The following PTBP3 variants were observed in gnomAD, a reference collection of about 807,000 sequenced individuals.
PTBP3 encodes the protein polypyrimidine tract-binding protein 3.
A neutral mutation model predicts 58.7 loss-of-function variants in PTBP3; 20 were observed. The observed-to-expected ratio is 0.34, with a 90% CI of 0.24 to 0.50. The LOEUF (loss-of-function observed/expected upper bound fraction) is 0.50. Among genes scored for constraint, PTBP3 ranks in the 20% least tolerant of loss-of-function variants. PTBP3 has a pLI of 0.98. For synonymous variants in PTBP3, 185 were observed against 219.8 expected, an observed-to-expected ratio of 0.84 and a Z score of 1.40; for missense variants, 509 against 637.2, an observed-to-expected ratio of 0.80 and a Z score of 2.17.
At chr9:112,302,443 GA>G (rs1251267527) in intron 1 of PTBP3, among the ~76,000 whole-genome samples, 2 of 151,970 alleles carry the variant, frequency 1.3e-5, no homozygotes, top group African/African-American at 4.8e-5. Context: ...AAAAAAACTG[GA>G]AAGAAGAAAT....
rs150376954 is a variant in PTBP3, at chr9:112,303,233, C to A, written c.-51-5317G>T. 2.0e-5 allele frequency among the ~76,000 whole-genome samples: 3 copies of A among 152,284 alleles called. No individual in the cohort carries two copies. In the East Asian group the frequency reaches 5.8e-4, roughly 29 times the overall value. On this transcript the variant is annotated intron_variant, in intron 1 of 13. Coordinates refer to ENST00000374257, the MANE Select transcript of PTBP3 (RefSeq NM_001163788.4). The stretch of plus-strand genomic sequence containing the variant: ...ACTATCCCTTTGCTACATACCCAAT[C>A]CTATCTACTAGTCACAGATAAAATG...
At chr9:112,292,065 C>T (rs1160832581) in intron 2 of PTBP3, among the ~76,000 whole-genome samples, 5 of 152,004 alleles carry the variant, frequency 3.3e-5, no homozygotes, top group Non-Finnish European at 5.9e-5. Flanking sequence ...GGGGACAGTG[C>T]TTATTAGAGA....
chr9:112,330,233 T>A (rs1022689487), intron 1 of PTBP3, among the ~76,000 whole-genome samples: 1 of 152,312 alleles, frequency 6.6e-6, no homozygotes, highest in East Asian at 1.9e-4. Context: ...TTGGGCTAAA[T>A]TTTTTGTTCA....
chr9:112,354,849 G>A, the PTBP3 span, among the ~76,000 whole-genome samples: 20 of 152,148 alleles, frequency 1.3e-4, no homozygotes, highest in Non-Finnish European at 2.5e-4. Flanking sequence ...ACATTGTTCT[G>A]CAAAATAAAA....
At chr9:112,276,474 T>C (rs1319756358) in intron 2 of PTBP3, among the ~76,000 whole-genome samples, 1 of 152,096 alleles carries the variant, frequency 6.6e-6, no homozygotes, top group East Asian at 2.0e-4. Flanking sequence ...TGGATTTGAA[T>C]TGTATATTTA....
chr9:112,242,000 C>G (rs897880401), intron 7 of PTBP3, among the ~76,000 whole-genome samples: 4 of 152,168 alleles, frequency 2.6e-5, no homozygotes, highest in African/African-American at 7.2e-5. Flanking sequence ...TACTTGATTG[C>G]ATAGAAGGAC....
rs1827594544 is a variant in PTBP3 at position 112,276,002 on chromosome 9, C to T, written c.46G>A (p.Asp16Asn). 4.3e-6 allele frequency: 7 copies of T among 1,611,742 alleles called. No individual in the cohort carries two copies. The highest frequency in any genetic ancestry group is 5.9e-6 in the Non-Finnish European group (7 of 1,178,708). The change falls in exon 3 of 14, where the codon GAC (aspartate) becomes AAC (asparagine). Residue 16 changes from aspartate (D) to asparagine (N), a missense_variant. Asp to Asn is a conservative substitution (Grantham distance 23, BLOSUM62 1). Coordinates refer to ENST00000374257, the MANE Select transcript of PTBP3 (RefSeq NM_001163788.4). ...CTATCTCGTTTAAATTTCTTGCTGT[C>T]ATTCCCATTAGCTAAAAAACATAAG... is the stretch of plus-strand genomic sequence containing the variant. ...PSTGVYANGN[D>N]SKKFKRDRPP...
the PTBP3 span, among the ~76,000 whole-genome samples, chr9:112,378,777 A>T: frequency 0.42 from 64,241 of 152,056 alleles, 13,854 homozygotes; most frequent in South Asian, 0.49. Flanking sequence ...GATGATAATA[A>T]TTTGCAAATT....
chr9:112,285,408 T>C (rs1828068355), intron 2 of PTBP3, among the ~76,000 whole-genome samples: 1 of 152,236 alleles, frequency 6.6e-6, no homozygotes, highest in Non-Finnish European at 1.5e-5. Flanking sequence ...TACAGCAGTG[T>C]GAGAAAGGAC....
rs116096708 is a variant in PTBP3 at position 112,299,710 on chromosome 9, A to G, written c.-51-1794T>C. Reference sequence around the variant, plus strand: ...GCAATGCCTCCAGTGGGAAGAGTATAACTCCCTCCCCCCATTGACAACACA... The same window carrying G: ...GCAATGCCTCCAGTGGGAAGAGTATGACTCCCTCCCCCCATTGACAACACA... On this transcript the variant is annotated intron_variant, in intron 1 of 13. Coordinates refer to ENST00000374257, the MANE Select transcript of PTBP3 (RefSeq NM_001163788.4). 8.6e-3 allele frequency among the ~76,000 whole-genome samples: 1,317 copies of G among 152,272 alleles called. 24 individuals carry two copies. Among genetic ancestry groups the G allele is most frequent in the African/African-American group, 0.03 (1,256 of 41,548 alleles).
At chr9:112,343,014 G>C in the PTBP3 span, among the ~76,000 whole-genome samples, 99 of 152,222 alleles carry the variant, frequency 6.5e-4, 2 homozygotes, top group South Asian at 0.021. Flanking sequence ...TTAGTTTCTA[G>C]ACACCATTGG....
intron 5 of PTBP3, among the ~76,000 whole-genome samples, chr9:112,259,145 G>A (rs146021078): frequency 9.9e-5 from 15 of 152,098 alleles, no homozygotes; most frequent in Non-Finnish European, 5.9e-5. Flanking sequence ...TACAGATGGG[G>A]TTTTGCCATG....
At chr9:112,231,280 A>G (rs977703847) in intron 10 of PTBP3, 100 bp downstream of exon 10, 16 of 929,630 alleles carry the variant, frequency 1.7e-5, no homozygotes, top group Non-Finnish European at 2.2e-5. Context: ...TGTCAGCACA[A>G]TACTTGGCAC....
At position 112,290,705 on chromosome 9, in the gene PTBP3, TATACACACACAC is replaced by T. The variant is rs1264331731; in HGVS notation, c.34+7115_34+7126del. ...AAAAAAAAATATATATATATATATA[TATACACACACAC>T]ACACACACACACACACACACAATCA... On this transcript the variant is annotated intron_variant, in intron 2 of 13. Transcript: ENST00000374257. Among the ~76,000 whole-genome samples, 124 of 72,986 alleles carry T rather than the reference TATACACACACAC, an allele frequency of 1.7e-3. 3 individuals carry two copies. The East Asian group carries it at 0.031, about 19-fold the overall frequency. The allele number at this position is 72,986 out of a possible 152,430, so 47.9% of individuals were successfully genotyped here. A position where few individuals can be genotyped will look rare whatever the true frequency, so the allele number is the denominator to read the frequency against.
chr9:112,312,418 G>A (rs559962803), intron 1 of PTBP3, among the ~76,000 whole-genome samples: 54 of 150,720 alleles, frequency 3.6e-4, no homozygotes, highest in South Asian at 1.3e-3. Flanking sequence ...GATCACTTGA[G>A]CCCAGGAGAT....
At chr9:112,237,548 AC>A (rs1444647978) in intron 7 of PTBP3, among the ~76,000 whole-genome samples, 1 of 152,210 alleles carries the variant, frequency 6.6e-6, no homozygotes, top group Non-Finnish European at 1.5e-5. Context: ...ATTAACATAA[AC>A]TAACCTTACT....
intron 2 of PTBP3, among the ~76,000 whole-genome samples, chr9:112,283,520 C>A (rs1827972027): frequency 6.6e-6 from 1 of 152,176 alleles, no homozygotes; most frequent in Non-Finnish European, 1.5e-5. Flanking sequence ...TTTAGGGTAT[C>A]TGGCAGAAGA....
chr9:112,267,241 C>T (rs911367695), intron 4 of PTBP3, among the ~76,000 whole-genome samples: 1 of 151,760 alleles, frequency 6.6e-6, no homozygotes, highest in African/African-American at 2.4e-5. Flanking sequence ...TCTCGGCTCA[C>T]CGCAAGCTCC....
rs1227231556 is a variant in PTBP3 at position 112,221,922 on chromosome 9, G to A, written c.*1929C>T. 2.1e-6 allele frequency: 2 copies of A among 964,268 alleles called. No individual in the cohort carries two copies. The highest frequency in any genetic ancestry group is 3.5e-5 in the African/African-American group (2 of 56,718). 59.7% of individuals were successfully genotyped at this position (964,268 alleles called of 1,614,324 possible). A position where few individuals can be genotyped will look rare whatever the true frequency, so the allele number is the denominator to read the frequency against. On this transcript the variant is annotated 3_prime_UTR_variant, in exon 14 of 14. Coordinates refer to ENST00000374257, the MANE Select transcript of PTBP3 (RefSeq NM_001163788.4). ...AGATTTTCTTAATTTTTACTTTTAA[G>A]AGAAGGGGTCACACTATGTTCCAGG...
Sources: allele counts gnomAD v4.1 joint callset (sites outside exome capture counted in the v4.1 genomes callset), GRCh38; gene constraint gnomAD v4.1.1; transcripts MANE v1.5; gene names NCBI Gene and HGNC (gene_info 2026-07-23, HGNC 2026-07-21).